Variants in ALPK1 observed in about 807,000 individuals in gnomAD.
The protein encoded by ALPK1 is alpha kinase 1.
Under a neutral mutation model 120.6 loss-of-function variants are expected in ALPK1, and 110 were observed. The observed-to-expected ratio is 0.91, with a 90% CI of 0.78 to 1.07. The LOEUF (loss-of-function observed/expected upper bound fraction) is 1.07, where lower values mean the gene tolerates loss of function less well. Ranked by LOEUF, ALPK1 falls within the 50% of genes least tolerant of loss-of-function variation. The probability of loss-of-function intolerance (pLI) is 0.00; values close to 1 mark genes in which losing one functional copy is unlikely to be tolerated. For synonymous variants in ALPK1, 582 were observed against 560.3 expected (o/e 1.04, Z -0.55); for missense variants, 1,498 against 1,483.9 (o/e 1.01, Z -0.16).
chr4:112,304,816 T>C (rs1348101412), intron 1 of ALPK1, among the ~76,000 whole-genome samples: 2 of 152,114 alleles, frequency 1.3e-5, no homozygotes, highest in Non-Finnish European at 2.9e-5. Flanking sequence ...AGACATGAAG[T>C]CCTTGCCCAT....
chr4:112,383,986 C>G (rs1471975599), intron 4 of ALPK1: 1 of 152,134 alleles, frequency 6.6e-6, no homozygotes, highest in East Asian at 1.9e-4. Context: ...GAATACTGTG[C>G]TGCAAGCGAA....
intron 2 of ALPK1, among the ~76,000 whole-genome samples, chr4:112,351,889 A>G (rs1023386721): frequency 1.2e-4 from 18 of 152,216 alleles, no homozygotes; most frequent in African/African-American, 4.3e-4. Flanking sequence ...ATCTCAATAG[A>G]CTATGTTTAC....
At chr4:112,338,368 A>G (rs569827453) in intron 2 of ALPK1, among the ~76,000 whole-genome samples, 217 of 152,348 alleles carry the variant, frequency 1.4e-3, no homozygotes, top group Middle Eastern at 3.4e-3. Context: ...CCCAAAAAGC[A>G]TAGAGTTTTT....
chr4:112,429,239 G>T lies in ALPK1; in HGVS notation c.886G>T (p.Val296Leu). ...AAFSAYTPLF[V>L]LTAVNIRGTC... ...CTTCAGTGCCTATACGCCGCTCTTCGTGCTCACAGCTGTGGTAAACGAATG... is the reference window on the plus strand; with the variant it reads ...CTTCAGTGCCTATACGCCGCTCTTCTTGCTCACAGCTGTGGTAAACGAATG... Residue 296 changes from valine to leucine, a missense_variant, in exon 10 of 16, where the codon GTG (valine) becomes TTG (leucine). Physicochemically the swap from Val to Leu is conservative, Grantham distance 32 (BLOSUM62 1). Transcript: ENST00000650871. 1 of 1,611,998 alleles carries T rather than the reference G, an allele frequency of 6.2e-7. No homozygotes were observed. Among genetic ancestry groups the T allele is most frequent in the Non-Finnish European group, 8.5e-7 (1 of 1,179,720 alleles).
At chr4:112,298,708 A>G (rs918483404) in intron 1 of ALPK1, among the ~76,000 whole-genome samples, 4 of 152,200 alleles carry the variant, frequency 2.6e-5, no homozygotes, top group African/African-American at 9.6e-5. Flanking sequence ...AGGCATTATC[A>G]TATATAATAA....
chr4:112,425,671 G>A lies in ALPK1; in HGVS notation c.542G>A (p.Trp181Ter). ...LISNNGATGT[W>*]LYRNESDKVL... Reference sequence around the variant, plus strand: ...TTTTCATCTTTTCTTTTAGGTACCTGGCTGTACAGAAATGAAAGTGACAAG... The same window carrying A: ...TTTTCATCTTTTCTTTTAGGTACCTAGCTGTACAGAAATGAAAGTGACAAG... The change falls in exon 7 of 16, where the codon TGG (tryptophan) becomes TAG (stop). Residue 181 changes from tryptophan to a stop codon, truncating the protein, a stop_gained. Coordinates refer to ENST00000650871, the MANE Select transcript of ALPK1 (RefSeq NM_025144.4). LOFTEE classifies it high-confidence loss of function. 5 of 1,612,466 alleles carry A rather than the reference G, an allele frequency of 3.1e-6. No individual in the cohort carries two copies. Among genetic ancestry groups the A allele is most frequent in the African/African-American group, 1.3e-5 (1 of 74,982 alleles).
chr4:112,359,732 T>G lies in ALPK1; in HGVS notation c.-100-17946T>G, dbSNP rs147674914. The G allele has an allele frequency of 1.0e-3, 310 of 308,770 alleles. 3 individuals carry two copies. The highest frequency in any genetic ancestry group is 6.6e-3 in the African/African-American group (295 of 44,592). 19.1% of individuals were successfully genotyped at this position (308,770 alleles called of 1,614,324 possible). On this transcript the variant is annotated intron_variant, in intron 2 of 15. Coordinates refer to ENST00000650871, the MANE Select transcript of ALPK1 (RefSeq NM_025144.4). ...GACTTTCCCACGGGCATGCAGTATC[T>G]GAGTGGGGCCTCTAGGACGTGCCCA... is the stretch of plus-strand genomic sequence containing the variant.
intron 1 of ALPK1, among the ~76,000 whole-genome samples, chr4:112,304,578 C>T (rs1215562764): frequency 6.6e-6 from 1 of 152,116 alleles, no homozygotes; most frequent in East Asian, 1.9e-4. Context: ...ATATCCTTCA[C>T]CCACTTTTTG....
chr4:112,407,336 A>G (rs908525797), intron 4 of ALPK1, among the ~76,000 whole-genome samples: 1 of 152,196 alleles, frequency 6.6e-6, no homozygotes, highest in Admixed American at 6.5e-5. Context: ...GAGAGAAACC[A>G]GGAACACTGG....
intron 2 of ALPK1, among the ~76,000 whole-genome samples, chr4:112,368,576 AT>A (rs1243651555): frequency 1.3e-5 from 2 of 152,232 alleles, no homozygotes; most frequent in East Asian, 3.9e-4. Context: ...ATTGAGGTTA[AT>A]TTTTTAAAGA....
At chr4:112,338,565 G>T (rs1244623660) in intron 2 of ALPK1, among the ~76,000 whole-genome samples, 1 of 152,150 alleles carries the variant, frequency 6.6e-6, no homozygotes, top group East Asian at 1.9e-4. Context: ...CTACAGAAAA[G>T]ATGCTTAATA....
intron 4 of ALPK1, among the ~76,000 whole-genome samples, chr4:112,393,997 T>C (rs1056080589): frequency 6.6e-6 from 1 of 152,164 alleles, no homozygotes; most frequent in Admixed American, 6.5e-5. Context: ...CATCAAATGA[T>C]AGAACATCAA....
intron 12 of ALPK1, among the ~76,000 whole-genome samples, chr4:112,435,693 A>G (rs1312196119): frequency 6.6e-6 from 1 of 152,282 alleles, no homozygotes; most frequent in Non-Finnish European, 1.5e-5. Flanking sequence ...GAAAAAAGGC[A>G]GGAAAATCCT....
At chr4:112,358,174 C>T (rs768992986) in intron 2 of ALPK1, 88 of 621,858 alleles carry the variant, frequency 1.4e-4, no homozygotes, top group African/African-American at 2.9e-4. Context: ...ACCAGGCCAT[C>T]GGGCAAGTGA....
intron 2 of ALPK1, among the ~76,000 whole-genome samples, chr4:112,349,460 C>A (rs146722607): frequency 5.1e-4 from 78 of 151,872 alleles, no homozygotes; most frequent in African/African-American, 1.9e-3. Context: ...TCACTATGTG[C>A]TAGGCAATTT....
At chr4:112,401,550 A>G (rs1327762066) in intron 4 of ALPK1, among the ~76,000 whole-genome samples, 1 of 152,156 alleles carries the variant, frequency 6.6e-6, no homozygotes, top group Non-Finnish European at 1.5e-5. Flanking sequence ...GGTCATGGGC[A>G]AGAGACACCA....
chr4:112,428,142 A>C (rs756361731), intron 9 of ALPK1: 2 of 154,466 alleles, frequency 1.3e-5, no homozygotes, highest in African/African-American at 2.4e-5. Context: ...ATATATATCC[A>C]ATAAAACCCT....
Position 112,432,543 on chromosome 4 carries a change from C to T in ALPK1, c.2996C>T (p.Thr999Met), listed in dbSNP as rs777614305. ...TGGCTGTTTCAGAGACTAGAGAATA[C>T]GGGGGTTTTTAAGCCCAGTCAACTC... ...HDWLFQRLEN[T>M]GVFKPSQLHR... is the part of the protein sequence containing the mutation. The change falls in exon 11 of 16, where the codon ACG becomes ATG. Residue 999 changes from threonine to methionine, a missense_variant. Coordinates refer to ENST00000650871, the MANE Select transcript of ALPK1 (RefSeq NM_025144.4). 8.4e-5 allele frequency: 136 copies of T among 1,613,706 alleles called. No individual in the cohort carries two copies. The highest frequency in any genetic ancestry group is 1.0e-4 in the Non-Finnish European group (122 of 1,180,010).
intron 1 of ALPK1, among the ~76,000 whole-genome samples, chr4:112,307,258 C>G (rs919951345): frequency 4.0e-5 from 6 of 151,696 alleles, no homozygotes; most frequent in African/African-American, 1.5e-4. Context: ...GTGTAGATGT[C>G]TATTAGGTCC....
Sources: allele counts gnomAD v4.1 joint callset (sites outside exome capture counted in the v4.1 genomes callset), GRCh38; gene constraint gnomAD v4.1.1; transcripts MANE v1.5; gene names NCBI Gene and HGNC (gene_info 2026-07-23, HGNC 2026-07-21).